Variants in TBC1D32 observed in about 807,000 individuals in gnomAD.
The protein encoded by TBC1D32 is protein broad-minded.
A neutral mutation model predicts 170.3 loss-of-function variants in TBC1D32; 151 were observed. That is an observed-to-expected ratio of 0.89 (90% CI 0.78 to 1.01). TBC1D32 has a LOEUF of 1.01. TBC1D32 is among the 50% of genes least tolerant of loss of function. The pLI is 0.00. For synonymous variants in TBC1D32, 498 were observed against 488.0 expected (o/e 1.02, Z -0.27); for missense variants, 1,464 against 1,457.1 (o/e 1.00, Z -0.08).
Position 121,334,369 on chromosome 6 carries a change from T to C in TBC1D32, c.62A>G (p.Gln21Arg), listed in dbSNP as rs757906194. Residue 21 changes from glutamine (Q) to arginine (R), a missense_variant, in exon 1 of 32, where the codon CAG (glutamine) becomes CGG (arginine). Physicochemically the swap from Gln to Arg is conservative, Grantham distance 43 (BLOSUM62 1). This residue lies in a region of TBC1D32 where 1,363 missense variants were observed against 1,338.1 expected (regional missense o/e 1.02). Transcript: ENST00000398212. ...MLQAMLRRLF[Q>R]SVKEKITGAP... Reference sequence around the variant, plus strand: ...ACCCGTGATTTTCTCCTTCACGCTCTGGAACAACCGCCTCAGCATCGCCTG... The same window carrying C: ...ACCCGTGATTTTCTCCTTCACGCTCCGGAACAACCGCCTCAGCATCGCCTG... The C allele has an allele frequency of 5.0e-6, 8 of 1,614,128 alleles. No homozygotes were observed. In the African/African-American group the frequency reaches 9.3e-5, roughly 19 times the overall value.
At chr6:121,276,245 C>T (rs1802195352) in intron 15 of TBC1D32, among the ~76,000 whole-genome samples, 1 of 150,960 alleles carries the variant, frequency 6.6e-6, no homozygotes, top group Non-Finnish European at 1.5e-5. Flanking sequence ...GTAACAGAAA[C>T]GATATAAGGG....
Position 121,192,085 on chromosome 6 carries a change from C to A in TBC1D32, c.2570+12990G>T, listed in dbSNP as rs796942397. 5.2e-3 allele frequency among the ~76,000 whole-genome samples: 342 copies of A among 66,142 alleles called. 10 individuals carry two copies. The highest frequency in any genetic ancestry group is 0.013 in the Admixed American group (69 of 5,250). The allele number at this position is 66,142 out of a possible 152,430, so 43.4% of individuals were successfully genotyped here. ...TACCCTTTATATATATATATATATC[C>A]TATTAGTTCTATCCTTCTGGGGAAC... On this transcript the variant is annotated intron_variant, in intron 22 of 31. Transcript: ENST00000398212.
chr6:121,210,132 C>T (rs993691803), intron 21 of TBC1D32, among the ~76,000 whole-genome samples: 1 of 152,078 alleles, frequency 6.6e-6, no homozygotes, highest in Non-Finnish European at 1.5e-5. Flanking sequence ...AGATACCTGA[C>T]ATGAAGCCAT....
chr6:121,272,963 C>T (rs1359940966), intron 15 of TBC1D32, among the ~76,000 whole-genome samples: 3 of 151,878 alleles, frequency 2.0e-5, no homozygotes, highest in Non-Finnish European at 2.9e-5. Context: ...TTTGTAGGAA[C>T]ATGGATGAAA....
At chr6:121,293,289 T>C (rs1401954166) in intron 11 of TBC1D32, among the ~76,000 whole-genome samples, 2 of 152,012 alleles carry the variant, frequency 1.3e-5, no homozygotes, top group African/African-American at 2.4e-5. Flanking sequence ...GTAAATGAGA[T>C]AACATATGAA....
At chr6:121,323,525 C>T (rs1415231500) in intron 1 of TBC1D32, among the ~76,000 whole-genome samples, 3 of 152,184 alleles carry the variant, frequency 2.0e-5, no homozygotes, top group Non-Finnish European at 4.4e-5. Flanking sequence ...TCAAATACTG[C>T]TTCCTTGGCC....
At chr6:121,266,256 A>T (rs981498974) in intron 15 of TBC1D32, among the ~76,000 whole-genome samples, 2 of 151,776 alleles carry the variant, frequency 1.3e-5, no homozygotes, top group Non-Finnish European at 3.0e-5. Flanking sequence ...CAAAAAGTAG[A>T]CATGAATGGA....
At chr6:121,266,559 T>C (rs1306686455) in intron 15 of TBC1D32, among the ~76,000 whole-genome samples, 1 of 152,138 alleles carries the variant, frequency 6.6e-6, no homozygotes, top group African/African-American at 2.4e-5. Context: ...ATCCCACTAC[T>C]GGGTATATAC....
At chr6:121,124,709 A>G (rs1254332802) in intron 26 of TBC1D32, among the ~76,000 whole-genome samples, 3 of 151,694 alleles carry the variant, frequency 2.0e-5, no homozygotes, top group Admixed American at 2.0e-4. Context: ...AGCTTTCTTT[A>G]TTCCTTTTCA....
intron 17 of TBC1D32, among the ~76,000 whole-genome samples, chr6:121,250,212 G>C (rs532975095): frequency 1.4e-4 from 21 of 152,108 alleles, no homozygotes; most frequent in African/African-American, 4.8e-4. Context: ...TAGAAATAGA[G>C]GGACTCTTCC....
At chr6:121,243,410 T>C (rs1381495280) in intron 17 of TBC1D32, among the ~76,000 whole-genome samples, 1 of 151,962 alleles carries the variant, frequency 6.6e-6, no homozygotes, top group Non-Finnish European at 1.5e-5. Context: ...TGGCCAGAGG[T>C]GGCCATATGA....
intron 22 of TBC1D32, among the ~76,000 whole-genome samples, chr6:121,198,121 A>G (rs1790996008): frequency 6.8e-6 from 1 of 146,276 alleles, no homozygotes; most frequent in Non-Finnish European, 1.5e-5. Context: ...CCTTGTGATC[A>G]GGTAAGTTAA....
intron 22 of TBC1D32, among the ~76,000 whole-genome samples, chr6:121,198,571 G>A (rs1344983069): frequency 6.6e-6 from 1 of 150,592 alleles, no homozygotes; most frequent in Non-Finnish European, 1.5e-5. Context: ...CTAACACGGT[G>A]AAACCCTGTC....
intron 26 of TBC1D32, among the ~76,000 whole-genome samples, chr6:121,117,715 C>CA (rs1562535705): frequency 6.6e-6 from 1 of 150,810 alleles, no homozygotes. Flanking sequence ...AAAACAAAAA[C>CA]AAAAAAAAGA....
At chr6:121,173,041 T>C (rs1487552066) in intron 22 of TBC1D32, among the ~76,000 whole-genome samples, 1 of 152,114 alleles carries the variant, frequency 6.6e-6, no homozygotes, top group Admixed American at 6.6e-5. Flanking sequence ...ATATTGTTTC[T>C]GGGTGGGTCT....
Position 121,255,352 on chromosome 6 carries a change from G to A in TBC1D32, c.1994C>T (p.Ser665Leu). The A allele has an allele frequency of 1.3e-6, 2 of 1,564,998 alleles. No homozygotes were observed. The highest frequency in any genetic ancestry group is 1.7e-6 in the Non-Finnish European group (2 of 1,155,850). The change falls in exon 17 of 32, where the codon TCA becomes TTA. Residue 665 changes from serine to leucine, a missense_variant. Ser to Leu is a moderately radical substitution (Grantham distance 145, BLOSUM62 -2). Transcript: ENST00000398212. The stretch of plus-strand genomic sequence containing the variant: ...CATGTTTTGGGATTCCTGGCTTACT[G>A]AAGAAACAGAATCAGAACCCTCTAC... ...TPVEGSDSVS[S>L]VSQESQNIMA...
In TBC1D32 at chr6:121,255,341, C is replaced by A; in HGVS notation, c.2005G>T (p.Glu669Ter). The change falls in exon 17 of 32, where the codon GAA becomes TAA. Residue 669 changes from glutamate to a stop codon, truncating the protein, a stop_gained. Transcript: ENST00000398212. LOFTEE classifies it high-confidence loss of function. The stretch of plus-strand genomic sequence containing the variant: ...AATTGTACTTACATGTTTTGGGATT[C>A]CTGGCTTACTGAAGAAACAGAATCA... ...GSDSVSSVSQ[E>*]SQNIMAWEDN... 6.4e-7 allele frequency: 1 copy of A among 1,568,356 alleles called. No individual in the cohort carries two copies. The highest frequency in any genetic ancestry group is 2.3e-5 in the East Asian group (1 of 42,664).
intron 3 of TBC1D32, among the ~76,000 whole-genome samples, chr6:121,316,219 A>T (rs535368847): frequency 2.0e-4 from 31 of 152,284 alleles, no homozygotes; most frequent in South Asian, 1.0e-3. Context: ...CAGCTATGAA[A>T]TCAGTTCTAT....
At chr6:121,267,375 A>C (rs1409178875) in intron 15 of TBC1D32, among the ~76,000 whole-genome samples, 1 of 152,120 alleles carries the variant, frequency 6.6e-6, no homozygotes, top group Non-Finnish European at 1.5e-5. Flanking sequence ...TAGCCAAGGG[A>C]AGCTATGACA....
Sources: allele counts gnomAD v4.1 joint callset (sites outside exome capture counted in the v4.1 genomes callset), GRCh38; gene constraint gnomAD v4.1.1; regional missense constraint gnomAD v4.1.1; transcripts MANE v1.5; gene names NCBI Gene and HGNC (gene_info 2026-07-23, HGNC 2026-07-21).